RIMBP2: variants seen among roughly 807,000 people sequenced by gnomAD.
RIMBP2 encodes RIMS binding protein 2, also known as RIMS-binding protein 2.
In RIMBP2, 48 loss-of-function variants were observed where a neutral mutation model predicts 118.6. The observed-to-expected ratio is 0.40, with a 90% CI of 0.32 to 0.51. The LOEUF (loss-of-function observed/expected upper bound fraction) is 0.51. RIMBP2 is among the 20% of genes least tolerant of loss of function. RIMBP2 has a pLI of 0.41. For synonymous variants in RIMBP2, 762 were observed against 742.9 expected (o/e 1.03, Z -0.42); for missense variants, 1,551 against 1,768.3 (o/e 0.88, Z 2.20).
chr12:130,528,470 G>A (rs1205927082), intron 2 of RIMBP2, among the ~76,000 whole-genome samples: 1 of 152,118 alleles, frequency 6.6e-6, no homozygotes, highest in South Asian at 2.1e-4. Context: ...GTAGGGGAAG[G>A]GAGAGAATCA....
At chr12:130,656,999 A>T (rs1255180969) in intron 1 of RIMBP2, among the ~76,000 whole-genome samples, 2 of 152,208 alleles carry the variant, frequency 1.3e-5, no homozygotes, top group Non-Finnish European at 2.9e-5. Flanking sequence ...GGCTCAAGTG[A>T]TCCTCCTGCC....
rs1452055843 is a variant in RIMBP2 at position 130,670,243 on chromosome 12, G to A, written c.-351-41787C>T. ...CAGCCCCGCCGACACCATGATCCCG[G>A]CCCCAGGACCTCAGACTTCCGATCT... On this transcript the variant is annotated intron_variant, in intron 1 of 22. Transcript: ENST00000690449. The surrounding 1 kb of genome is among the most constrained non-coding windows in gnomAD (Gnocchi z 4.9). Among the ~76,000 whole-genome samples the A allele has an allele frequency of 6.6e-6, 1 of 151,980 alleles. No individual in the cohort carries two copies. The highest frequency in any genetic ancestry group is 1.5e-5 in the Non-Finnish European group (1 of 67,992).
At chr12:130,644,794 G>A (rs1003584249) in intron 1 of RIMBP2, among the ~76,000 whole-genome samples, 5 of 152,240 alleles carry the variant, frequency 3.3e-5, no homozygotes, top group Admixed American at 2.0e-4. Context: ...CCTCCGGCCT[G>A]AGAACGTGGC....
chr12:130,467,803 C>G (rs2080626849), intron 6 of RIMBP2, among the ~76,000 whole-genome samples: 1 of 152,186 alleles, frequency 6.6e-6, no homozygotes, highest in Admixed American at 6.5e-5. Flanking sequence ...TAAAAGCAAG[C>G]TGTACCCAGA....
chr12:130,554,397 GA>G (rs923460940), intron 2 of RIMBP2, among the ~76,000 whole-genome samples: 2 of 152,212 alleles, frequency 1.3e-5, no homozygotes, highest in Admixed American at 6.5e-5. Context: ...TGACTCTCCT[GA>G]GATCCAACAC....
intron 22 of RIMBP2, chr12:130,398,934 T>C (rs1385600987): frequency 6.1e-6 from 2 of 329,506 alleles, no homozygotes; most frequent in Non-Finnish European, 1.1e-5. Flanking sequence ...ATAAATTCAG[T>C]TGCTTTACAA....
chr12:130,441,184 C>T (rs767476147), intron 11 of RIMBP2, among the ~76,000 whole-genome samples: 2 of 151,976 alleles, frequency 1.3e-5, no homozygotes, highest in East Asian at 1.9e-4. Context: ...AGGCAGATCA[C>T]GAGGTCAAGA....
intron 1 of RIMBP2, among the ~76,000 whole-genome samples, chr12:130,679,893 G>C (rs187562646): frequency 2.9e-3 from 437 of 150,184 alleles, no homozygotes; most frequent in Admixed American, 8.5e-3. Context: ...GGAAGGATCC[G>C]TGAGTGTGAT....
chr12:130,600,983 C>T (rs893503575), intron 2 of RIMBP2, among the ~76,000 whole-genome samples: 2 of 152,146 alleles, frequency 1.3e-5, no homozygotes, highest in African/African-American at 2.4e-5. Flanking sequence ...TATAAGTTGT[C>T]CCTTGTAGCC....
At chr12:130,508,213 G>A (rs947136254) in intron 3 of RIMBP2, among the ~76,000 whole-genome samples, 1 of 151,996 alleles carries the variant, frequency 6.6e-6, no homozygotes, top group African/African-American at 2.4e-5. Flanking sequence ...ATTAGGACTT[G>A]GGGGTCATGC....
At chr12:130,666,596 C>G (rs1053527696) in intron 1 of RIMBP2, among the ~76,000 whole-genome samples, 2 of 151,942 alleles carry the variant, frequency 1.3e-5, no homozygotes, top group African/African-American at 4.8e-5. Flanking sequence ...ATCCCCCATA[C>G]CCAACACAGA....
At chr12:130,532,937 GGACGTCTAAT>G (rs1339534962) in intron 2 of RIMBP2, among the ~76,000 whole-genome samples, 5 of 123,988 alleles carry the variant, frequency 4.0e-5, no homozygotes, top group Admixed American at 8.2e-5. Context: ...CCTCTAGGAG[GGACGTCTAAT>G]GAGATGCGTG....
In RIMBP2 at chr12:130,578,914, T is replaced by G. The variant is rs1350032079; in HGVS notation, c.-217+49408A>C. On this transcript the variant is annotated intron_variant, in intron 2 of 22. Coordinates refer to ENST00000690449, the MANE Select transcript of RIMBP2 (RefSeq NM_001393629.1). This position sits in a 1 kb window ranked among gnomAD's most constrained non-coding sequence, Gnocchi z 4.1. ...TTTCATTATTAAATATATTCATAGTTCTGCGGTGAAATATGTAAATACAAA... is the reference window on the plus strand; with the variant it reads ...TTTCATTATTAAATATATTCATAGTGCTGCGGTGAAATATGTAAATACAAA... Among the ~76,000 whole-genome samples the G allele has an allele frequency of 6.6e-6, 1 of 152,194 alleles. No homozygotes were observed. The highest frequency in any genetic ancestry group is 1.9e-4 in the East Asian group (1 of 5,202).
At chr12:130,659,323 G>A (rs552921152) in intron 1 of RIMBP2, among the ~76,000 whole-genome samples, 227 of 152,176 alleles carry the variant, frequency 1.5e-3, no homozygotes, top group Middle Eastern at 3.4e-3. Flanking sequence ...TGTAATCCCA[G>A]CACTCTGGGA....
intron 2 of RIMBP2, among the ~76,000 whole-genome samples, chr12:130,615,507 C>T (rs1187747462): frequency 2.0e-5 from 3 of 151,756 alleles, no homozygotes; most frequent in Non-Finnish European, 4.4e-5. Flanking sequence ...GACGGGTTTT[C>T]ACCTTGTTGG....
At chr12:130,412,314 C>A (rs2075778816) in intron 19 of RIMBP2, among the ~76,000 whole-genome samples, 1 of 152,138 alleles carries the variant, frequency 6.6e-6, no homozygotes, top group Admixed American at 6.5e-5. Context: ...CAGAAAGCAG[C>A]TAATCATGTG....
intron 1 of RIMBP2, among the ~76,000 whole-genome samples, chr12:130,634,255 G>A (rs561244348): frequency 6.6e-6 from 1 of 152,308 alleles, no homozygotes; most frequent in African/African-American, 2.4e-5. Flanking sequence ...GGCGGGTAAT[G>A]CCACCTGTTC....
In RIMBP2 at chr12:130,713,258, GA is replaced by G. The variant is rs1415769768; in HGVS notation, c.-352+2963del. On this transcript the variant is annotated intron_variant, in intron 1 of 22. Coordinates refer to ENST00000690449, the MANE Select transcript of RIMBP2 (RefSeq NM_001393629.1). ...GGAAGGAAGGAAGGAAGGAAGGAAG[GA>G]AGGAAGGAAGGAAGGACTGAGGAGT... Among the ~76,000 whole-genome samples, 153 of 143,290 alleles carry G rather than the reference GA, an allele frequency of 1.1e-3. 1 individual carries two copies. The highest frequency in any genetic ancestry group is 1.9e-3 in the Non-Finnish European group (125 of 65,160). The allele number at this position is 143,290 out of a possible 152,430, so 94.0% of individuals were successfully genotyped here.
chr12:130,542,633 T>C (rs2054719876), intron 2 of RIMBP2, among the ~76,000 whole-genome samples: 1 of 152,196 alleles, frequency 6.6e-6, no homozygotes, highest in Non-Finnish European at 1.5e-5. Flanking sequence ...ATGACAATAC[T>C]ATTCTAATAT....
Sources: gnomAD v4.1 joint callset for allele counts (sites outside exome capture counted in the v4.1 genomes callset) on GRCh38, gnomAD v4.1.1 for gene constraint, Gnocchi (gnomAD v3.1) non-coding constraint, MANE v1.5 for transcripts, NCBI Gene and HGNC (gene_info 2026-07-23, HGNC 2026-07-21) for gene names.